The following PCNX1 variants were observed in gnomAD, a reference collection of about 807,000 sequenced individuals.
The protein encoded by PCNX1 is pecanex-like protein 1.
A neutral mutation model predicts 242.2 loss-of-function variants in PCNX1; 78 were observed. The ratio of observed to expected loss-of-function variants is 0.32; its 90% CI spans 0.27 to 0.39. PCNX1 has a LOEUF of 0.39. Among genes scored for constraint, PCNX1 ranks in the 10% least tolerant of loss-of-function variants. The pLI is 1.00. For synonymous variants in PCNX1, 1,024 were observed against 1,032.9 expected, an observed-to-expected ratio of 0.99 and a Z score of 0.17; for missense variants, 2,581 against 2,856.5, an observed-to-expected ratio of 0.90 and a Z score of 2.20.
rs569889264 is a variant in PCNX1, at chr14:71,114,311, G to C, written c.*4376G>C. ...AATTTGGTTGATTGATATGCACCCA[G>C]GCCGTCTTATTTTTACTTGTTAAAT... On this transcript the variant is annotated 3_prime_UTR_variant, in exon 36 of 36. Coordinates refer to ENST00000304743, the MANE Select transcript of PCNX1 (RefSeq NM_014982.3). 2.0e-4 allele frequency: 30 copies of C among 152,102 alleles called. No individual in the cohort carries two copies. Among genetic ancestry groups the C allele is most frequent in the African/African-American group, 7.0e-4 (29 of 41,494 alleles). 9.4% of individuals were successfully genotyped at this position (152,102 alleles called of 1,614,324 possible).
At chr14:70,954,897 C>T (rs1048744104) in intron 2 of PCNX1, among the ~76,000 whole-genome samples, 40 of 152,250 alleles carry the variant, frequency 2.6e-4, no homozygotes, top group African/African-American at 6.5e-4. Flanking sequence ...TTGACATCTC[C>T]TTTCCTCACC....
intron 5 of PCNX1, among the ~76,000 whole-genome samples, chr14:70,974,341 G>T (rs559527353): frequency 5.3e-5 from 8 of 150,874 alleles, no homozygotes; most frequent in African/African-American, 1.7e-4. Context: ...CACCATGTTG[G>T]CCAGGCTGAT....
intron 28 of PCNX1, among the ~76,000 whole-genome samples, chr14:71,084,557 A>G (rs2061936401): frequency 6.6e-6 from 1 of 152,168 alleles, no homozygotes; most frequent in Admixed American, 6.5e-5. Flanking sequence ...GAGAGGAGGA[A>G]TCCAGAGAGG....
At chr14:71,032,027 G>T (rs2060400445) in intron 16 of PCNX1, 2 of 862,102 alleles carry the variant, frequency 2.3e-6, no homozygotes, top group African/African-American at 1.6e-5. Context: ...CACACAAGGA[G>T]TGGGTTTAAG....
At chr14:70,925,761 A>G (rs1427395343) in intron 1 of PCNX1, among the ~76,000 whole-genome samples, 2 of 152,022 alleles carry the variant, frequency 1.3e-5, no homozygotes, top group Admixed American at 6.6e-5. Context: ...AATCCTCATC[A>G]TAGCTTTGTG....
chr14:71,041,060 A>T (rs1595349462), intron 19 of PCNX1, among the ~76,000 whole-genome samples: 1 of 152,168 alleles, frequency 6.6e-6, no homozygotes, highest in Middle Eastern at 3.4e-3. Flanking sequence ...CATTTTCTTT[A>T]TCCGTTCATT....
intron 8 of PCNX1, among the ~76,000 whole-genome samples, chr14:70,997,144 A>G (rs2140352300): frequency 6.6e-6 from 1 of 152,250 alleles, no homozygotes; most frequent in South Asian, 2.1e-4. Flanking sequence ...AGAATGAGGT[A>G]GACTCCAGTT....
chr14:71,070,260 AC>A (rs1313022771), intron 26 of PCNX1, among the ~76,000 whole-genome samples: 1 of 152,032 alleles, frequency 6.6e-6, no homozygotes, highest in Non-Finnish European at 1.5e-5. Flanking sequence ...AAGTCTTGAA[AC>A]CCCACAAAGT....
intron 1 of PCNX1, among the ~76,000 whole-genome samples, chr14:70,912,455 T>C (rs1375640263): frequency 6.6e-6 from 1 of 152,076 alleles, no homozygotes; most frequent in Admixed American, 6.6e-5. Context: ...AGCCCCTGAC[T>C]GACATCCAGC....
At chr14:71,002,514 A>G (rs1205865854) in intron 8 of PCNX1, among the ~76,000 whole-genome samples, 1 of 152,228 alleles carries the variant, frequency 6.6e-6, no homozygotes, top group Non-Finnish European at 1.5e-5. Context: ...GCCTTGTTGC[A>G]GTCCATCTCT....
intron 3 of PCNX1, among the ~76,000 whole-genome samples, chr14:70,964,762 G>T (rs1299052100): frequency 1.3e-5 from 2 of 152,168 alleles, no homozygotes; most frequent in Admixed American, 6.5e-5. Flanking sequence ...ATTAAAGCAT[G>T]TGTGCATGTT....
intron 6 of PCNX1, among the ~76,000 whole-genome samples, chr14:70,988,049 T>C (rs1016610164): frequency 4.6e-5 from 7 of 152,224 alleles, no homozygotes; most frequent in Admixed American, 6.5e-5. Flanking sequence ...TTTCATTTAA[T>C]GCTGCCAAAA....
intron 6 of PCNX1, among the ~76,000 whole-genome samples, chr14:70,987,779 G>A (rs1258855354): frequency 4.6e-5 from 7 of 152,138 alleles, no homozygotes; most frequent in African/African-American, 1.4e-4. Flanking sequence ...CATGTTGTAT[G>A]CTTGGCTTTA....
intron 22 of PCNX1, 90 bp from the exon 23 acceptor site, chr14:71,050,562 C>T (rs2060998846): frequency 8.2e-7 from 1 of 1,216,560 alleles, no homozygotes; most frequent in Non-Finnish European, 1.1e-6. Context: ...AGAACTTCTC[C>T]TAATACATTT....
chr14:70,947,783 C>T (rs971450665), intron 2 of PCNX1, among the ~76,000 whole-genome samples: 5 of 152,178 alleles, frequency 3.3e-5, no homozygotes, highest in Admixed American at 6.5e-5. Context: ...TGACTGCCTG[C>T]GGGCTGGGCG....
intron 19 of PCNX1, among the ~76,000 whole-genome samples, chr14:71,037,009 T>C (rs1294219054): frequency 1.3e-5 from 2 of 151,958 alleles, no homozygotes; most frequent in African/African-American, 4.8e-5. Context: ...TTCACATCCC[T>C]TGTAAGTTGG....
chr14:71,025,598 A>G (rs564194595), intron 13 of PCNX1, among the ~76,000 whole-genome samples: 7 of 152,216 alleles, frequency 4.6e-5, no homozygotes, highest in South Asian at 2.1e-4. Context: ...ACCCATTCCT[A>G]TATCTATTTA....
chr14:70,942,483 TG>T (rs142396285), intron 1 of PCNX1, among the ~76,000 whole-genome samples: 15,154 of 152,202 alleles, frequency 0.1, 872 homozygotes, highest in Admixed American at 0.17. Flanking sequence ...AGCAGATGTG[TG>T]GGGGTGTCCC....
At chr14:71,108,498 G>C in intron 33 of PCNX1, 106 bp from the exon 34 acceptor site, 1 of 804,866 alleles carries the variant, frequency 1.2e-6, no homozygotes, top group African/African-American at 1.7e-5. Context: ...AGTTCTGTCA[G>C]TTCACCAATT....
Sources: allele counts gnomAD v4.1 joint callset (sites outside exome capture counted in the v4.1 genomes callset), GRCh38; gene constraint gnomAD v4.1.1; transcripts MANE v1.5; gene names NCBI Gene and HGNC (gene_info 2026-07-23, HGNC 2026-07-21).